ADGRV1: variants seen among roughly 807,000 people sequenced by gnomAD.
The protein encoded by ADGRV1 is G-protein coupled receptor 98.
ADGRV1 carries 359 observed loss-of-function variants against 596.2 expected under a neutral mutation model. The observed-to-expected ratio is 0.60, with a 90% CI of 0.55 to 0.66. The LOEUF (loss-of-function observed/expected upper bound fraction) is 0.66, where lower values mean the gene tolerates loss of function less well. ADGRV1 is among the 30% of genes least tolerant of loss of function. ADGRV1 has a pLI of 0.00. For missense variants in ADGRV1, 7,274 were observed against 7,575.6 expected (o/e 0.96, Z 1.48); for synonymous variants, 2,681 against 2,679.2 (o/e 1.00, Z -0.02).
intron 59 of ADGRV1, among the ~76,000 whole-genome samples, chr5:90,766,189 G>C (rs919973762): frequency 6.6e-6 from 1 of 152,064 alleles, no homozygotes; most frequent in Non-Finnish European, 1.5e-5. Flanking sequence ...GATTACAGGC[G>C]TGAGCCACTG....
chr5:91,134,112 G>A (rs1334079788), intron 87 of ADGRV1, among the ~76,000 whole-genome samples: 5 of 152,058 alleles, frequency 3.3e-5, no homozygotes, highest in Non-Finnish European at 7.4e-5. Context: ...ATTCTTCAAG[G>A]GAAGAAAAGT....
At chr5:90,702,425 A>T (rs192706921) in intron 34 of ADGRV1, among the ~76,000 whole-genome samples, 1 of 151,894 alleles carries the variant, frequency 6.6e-6, no homozygotes, top group Non-Finnish European at 1.5e-5. Context: ...TTTTGTTTAT[A>T]TTATCCACTC....
chr5:90,951,212 GA>G (rs945651256), intron 83 of ADGRV1, among the ~76,000 whole-genome samples: 3 of 152,198 alleles, frequency 2.0e-5, no homozygotes, highest in Non-Finnish European at 2.9e-5. Context: ...TGCTAGGGAA[GA>G]ACTAGTTTAA....
At chr5:91,092,869 G>A (rs1582032846) in intron 86 of ADGRV1, among the ~76,000 whole-genome samples, 1 of 152,164 alleles carries the variant, frequency 6.6e-6, no homozygotes, top group Admixed American at 6.5e-5. Context: ...CTAAACTGAT[G>A]GTGGTGAGAA....
At chr5:90,968,756 ACTATTATTAGTTCAATC>A (rs1778695042) in intron 84 of ADGRV1, among the ~76,000 whole-genome samples, 1 of 152,174 alleles carries the variant, frequency 6.6e-6, no homozygotes, top group Non-Finnish European at 1.5e-5. Context: ...AGAAGGTTAG[ACTATTATTAGTTCAATC>A]CTATTAGTTG....
At chr5:90,643,604 A>G (rs777112738) in intron 13 of ADGRV1, among the ~76,000 whole-genome samples, 199 bp from the exon 14 acceptor site, 2 of 152,082 alleles carry the variant, frequency 1.3e-5, no homozygotes, top group Non-Finnish European at 2.9e-5. Context: ...TTTTTGGACA[A>G]TGTATACGTA....
intron 86 of ADGRV1, among the ~76,000 whole-genome samples, chr5:91,074,132 T>G (rs910029046): frequency 3.3e-5 from 5 of 152,298 alleles, no homozygotes; most frequent in African/African-American, 1.2e-4. Context: ...TTAATACTCT[T>G]TATTTTTTAA....
At chr5:91,080,890 G>GATGAAGT (rs1789298900) in intron 86 of ADGRV1, among the ~76,000 whole-genome samples, 1 of 152,074 alleles carries the variant, frequency 6.6e-6, no homozygotes, top group African/African-American at 2.4e-5. Flanking sequence ...ATATGTAATT[G>GATGAAGT]GTACAGAATG....
At chr5:90,970,800 C>T (rs1778899886) in intron 84 of ADGRV1, among the ~76,000 whole-genome samples, 1 of 152,120 alleles carries the variant, frequency 6.6e-6, no homozygotes. Context: ...CAGAGCACCT[C>T]TCCCCCTCCA....
chr5:91,067,563 T>A (rs561550548), intron 85 of ADGRV1, among the ~76,000 whole-genome samples: 2 of 152,348 alleles, frequency 1.3e-5, no homozygotes, highest in Non-Finnish European at 2.9e-5. Context: ...TTTAATTTTT[T>A]AGTCAAAATG....
At chr5:90,777,264 G>T (rs1313866409) in intron 61 of ADGRV1, among the ~76,000 whole-genome samples, 1 of 152,022 alleles carries the variant, frequency 6.6e-6, no homozygotes. Context: ...AACAGCAAGG[G>T]GGAAGTCCAT....
At chr5:90,749,372 G>T (rs976027754) in intron 52 of ADGRV1, among the ~76,000 whole-genome samples, 7 of 152,176 alleles carry the variant, frequency 4.6e-5, no homozygotes, top group African/African-American at 1.7e-4. Context: ...GAGCCAGAGA[G>T]AGCTGGCTTT....
At chr5:90,830,728 A>AG (rs1336659600) in intron 77 of ADGRV1, among the ~76,000 whole-genome samples, 1 of 152,164 alleles carries the variant, frequency 6.6e-6, no homozygotes, top group Non-Finnish European at 1.5e-5. Context: ...GAAATGGTTA[A>AG]TTTTATATGT....
At chr5:90,624,523 C>T (rs909431233) in intron 5 of ADGRV1, among the ~76,000 whole-genome samples, 2 of 152,202 alleles carry the variant, frequency 1.3e-5, no homozygotes, top group Non-Finnish European at 2.9e-5. Context: ...TTACTGCATA[C>T]GTATAGCACC....
intron 83 of ADGRV1, chr5:90,931,220 T>C (rs1353949799): frequency 1.3e-5 from 2 of 152,138 alleles, no homozygotes; most frequent in Non-Finnish European, 2.9e-5. Context: ...AGATGACTGG[T>C]GGGTAATGCA....
At chr5:91,110,290 C>A (rs1396901140) in intron 87 of ADGRV1, among the ~76,000 whole-genome samples, 1 of 152,112 alleles carries the variant, frequency 6.6e-6, no homozygotes, top group Non-Finnish European at 1.5e-5. Flanking sequence ...TAGGCCCTGG[C>A]AGAACCCTAT....
intron 31 of ADGRV1, among the ~76,000 whole-genome samples, chr5:90,691,735 G>A (rs1326307452): frequency 6.6e-6 from 1 of 152,094 alleles, no homozygotes; most frequent in Non-Finnish European, 1.5e-5. Context: ...TGGCTTGGGT[G>A]TGAGCCAGTC....
At chr5:90,895,248 G>A (rs895613851) in intron 83 of ADGRV1, among the ~76,000 whole-genome samples, 2 of 152,152 alleles carry the variant, frequency 1.3e-5, no homozygotes, top group African/African-American at 4.8e-5. Context: ...CACAGTCTCT[G>A]CTCTCTGAAA....
intron 44 of ADGRV1, 34 bp downstream of exon 44, chr5:90,720,257 G>A (rs752347976): frequency 5.4e-5 from 70 of 1,299,102 alleles, no homozygotes; most frequent in Non-Finnish European, 7.0e-5. Flanking sequence ...TATCACTTCT[G>A]AAGCTATAAG....
Sources: gnomAD v4.1 joint callset for allele counts (sites outside exome capture counted in the v4.1 genomes callset) on GRCh38, gnomAD v4.1.1 for gene constraint, MANE v1.5 for transcripts, NCBI Gene and HGNC (gene_info 2026-07-23, HGNC 2026-07-21) for gene names.